DCC: variants seen among roughly 807,000 people sequenced by gnomAD.
DCC encodes the protein DCC netrin 1 receptor.
Under a neutral mutation model 172.5 loss-of-function variants are expected in DCC, and 58 were observed. The ratio of observed to expected loss-of-function variants is 0.34; its 90% CI spans 0.27 to 0.42. The LOEUF (loss-of-function observed/expected upper bound fraction) is 0.42. DCC is among the 10% of genes least tolerant of loss of function. The pLI, the probability that DCC is intolerant of heterozygous loss-of-function variation, is 1.00. For synonymous variants in DCC, 709 were observed against 644.5 expected (o/e 1.10, Z -1.52); for missense variants, 1,740 against 1,791.0 (o/e 0.97, Z 0.51).
chr18:53,221,857 A>G (rs1222795130), intron 12 of DCC, among the ~76,000 whole-genome samples: 1 of 152,218 alleles, frequency 6.6e-6, no homozygotes, highest in Non-Finnish European at 1.5e-5. Flanking sequence ...CATTATTGTC[A>G]GTGCTTTCAG....
intron 15 of DCC, among the ~76,000 whole-genome samples, chr18:53,368,609 G>T (rs984902476): frequency 2.6e-5 from 4 of 152,008 alleles, no homozygotes; most frequent in African/African-American, 9.6e-5. Flanking sequence ...ATTTTGGGTC[G>T]ATTTTTTGTA....
rs139241948 is a variant in DCC at position 53,398,170 on chromosome 18, A to G, written c.2827+724A>G. Among the ~76,000 whole-genome samples the G allele has an allele frequency of 7.2e-3, 1,102 of 152,172 alleles. 15 individuals are homozygous for G. The highest frequency in any genetic ancestry group is 0.026 in the Admixed American group (400 of 15,282). On this transcript the variant is annotated intron_variant, in intron 18 of 28. Coordinates refer to ENST00000442544, the MANE Select transcript of DCC (RefSeq NM_005215.4). ...TTTGATGGGTTTCATAATATATCAT[A>G]TTTGTGGGTAAACTGCACCAATTTT...
chr18:53,486,786 T>C lies in DCC; in HGVS notation c.3737-11T>C. 6.2e-7 allele frequency: 1 copy of C among 1,614,152 alleles called. No homozygotes were observed. The highest frequency in any genetic ancestry group is 2.2e-5 in the East Asian group (1 of 44,860). On this transcript the variant is annotated splice_polypyrimidine_tract_variant and intron_variant, in intron 25 of 28. Transcript: ENST00000442544. Reference sequence around the variant, plus strand: ...AGGTTCAAAAAACCCATTAACCTTTTTCTTTTGCAGCTGTCGTGAGCGCCA... The same window carrying C: ...AGGTTCAAAAAACCCATTAACCTTTCTCTTTTGCAGCTGTCGTGAGCGCCA...
chr18:53,328,526 T>G (rs2057494048), intron 14 of DCC, among the ~76,000 whole-genome samples: 1 of 152,054 alleles, frequency 6.6e-6, no homozygotes, highest in Non-Finnish European at 1.5e-5. Context: ...GACTGTTGTG[T>G]TGTTGTTGTT....
intron 5 of DCC, among the ~76,000 whole-genome samples, chr18:52,927,700 C>T (rs1226058374): frequency 6.6e-6 from 1 of 152,014 alleles, no homozygotes; most frequent in Non-Finnish European, 1.5e-5. Flanking sequence ...ATGAAAACCA[C>T]AATGAGAACC....
intron 2 of DCC, among the ~76,000 whole-genome samples, chr18:52,829,278 A>G (rs2038567933): frequency 1.3e-5 from 2 of 152,212 alleles, no homozygotes; most frequent in Non-Finnish European, 2.9e-5. Context: ...TCATTGTACT[A>G]AAACAGATTC....
chr18:52,931,257 T>C (rs2040302942), intron 5 of DCC, among the ~76,000 whole-genome samples: 2 of 152,094 alleles, frequency 1.3e-5, no homozygotes, highest in South Asian at 4.1e-4. Context: ...AAAATTGAAT[T>C]TATTGCCTTC....
At chr18:52,946,684 C>A (rs1369636060) in intron 5 of DCC, among the ~76,000 whole-genome samples, 2 of 152,194 alleles carry the variant, frequency 1.3e-5, no homozygotes, top group African/African-American at 2.4e-5. Flanking sequence ...GCTCTTCTTA[C>A]ATTCCATCTG....
chr18:52,963,433 G>T (rs962154054), intron 5 of DCC, among the ~76,000 whole-genome samples: 6 of 152,000 alleles, frequency 3.9e-5, no homozygotes, highest in Non-Finnish European at 8.8e-5. Context: ...TACTTCTAAA[G>T]CAGAAAGCAA....
intron 12 of DCC, among the ~76,000 whole-genome samples, chr18:53,239,254 A>T (rs1469415108): frequency 1.3e-5 from 2 of 151,408 alleles, no homozygotes; most frequent in Non-Finnish European, 2.9e-5. Context: ...AGCAAAGTCC[A>T]TTACTGTTCT....
chr18:52,907,884 T>G (rs1469262836), intron 3 of DCC, among the ~76,000 whole-genome samples: 1 of 152,206 alleles, frequency 6.6e-6, no homozygotes. Flanking sequence ...ATTGATATGA[T>G]GATTTTAAAA....
At chr18:52,358,253 C>T (rs76178218) in intron 1 of DCC, among the ~76,000 whole-genome samples, 27,513 of 152,162 alleles carry the variant, frequency 0.18, 2,584 homozygotes, top group South Asian at 0.25. Flanking sequence ...ACACACTTCA[C>T]TTGAAAACCA....
At chr18:53,009,944 C>T (rs1035508232) in intron 5 of DCC, among the ~76,000 whole-genome samples, 1 of 151,806 alleles carries the variant, frequency 6.6e-6, no homozygotes, top group African/African-American at 2.4e-5. Context: ...TAGGTAGATG[C>T]GATGAAGCAG....
At chr18:52,645,677 T>TA (rs1040728496) in intron 1 of DCC, among the ~76,000 whole-genome samples, 12 of 151,742 alleles carry the variant, frequency 7.9e-5, no homozygotes, top group South Asian at 2.1e-4. Context: ...AATTTAAAAA[T>TA]AAAAAAAAAT....
intron 27 of DCC, among the ~76,000 whole-genome samples, chr18:53,523,120 C>T (rs2046418524): frequency 6.6e-6 from 1 of 152,144 alleles, no homozygotes; most frequent in Admixed American, 6.5e-5. Flanking sequence ...TGAACAGGCA[C>T]TTCTCAAGAG....
chr18:53,209,599 A>C (rs2055713782), intron 11 of DCC, among the ~76,000 whole-genome samples: 1 of 152,212 alleles, frequency 6.6e-6, no homozygotes, highest in African/African-American at 2.4e-5. Flanking sequence ...ACACAGGAAT[A>C]ATGCTCATTT....
intron 1 of DCC, among the ~76,000 whole-genome samples, chr18:52,724,724 C>A (rs1210065685): frequency 2.0e-5 from 3 of 152,124 alleles, no homozygotes; most frequent in African/African-American, 4.8e-5. Context: ...TTTCTTGAAG[C>A]AAAGGCTGTC....
chr18:53,307,891 GTGTATGTATA>G (rs1371027259), intron 13 of DCC, among the ~76,000 whole-genome samples: 6 of 48,008 alleles, frequency 1.2e-4, no homozygotes, highest in East Asian at 5.9e-4. Flanking sequence ...AGCAATGTGT[GTGTATGTATA>G]TATATATATA....
chr18:53,402,688 T>C, intron 18 of DCC, 98 bp from the exon 19 acceptor site: 3 of 907,742 alleles, frequency 3.3e-6, no homozygotes, highest in Non-Finnish European at 5.6e-6. Context: ...ATATACTTCT[T>C]GATAGATTCT....
Sources: gnomAD v4.1 joint callset for allele counts (sites outside exome capture counted in the v4.1 genomes callset) on GRCh38, gnomAD v4.1.1 for gene constraint, MANE v1.5 for transcripts, NCBI Gene and HGNC (gene_info 2026-07-23, HGNC 2026-07-21) for gene names.